Variants in DENND1A observed in about 807,000 individuals in gnomAD.
DENND1A encodes DENN domain containing 1A.
A neutral mutation model predicts 113.7 loss-of-function variants in DENND1A; 51 were observed. That is an observed-to-expected ratio of 0.45 (90% CI 0.36 to 0.57). DENND1A has a LOEUF of 0.57. DENND1A is among the 20% of genes least tolerant of loss of function. DENND1A has a pLI of 0.00. For synonymous variants in DENND1A, 565 were observed against 570.8 expected (o/e 0.99, Z 0.14); for missense variants, 1,258 against 1,395.9 (o/e 0.90, Z 1.57).
intron 1 of DENND1A, among the ~76,000 whole-genome samples, chr9:123,915,488 G>C (rs1854917724): frequency 6.6e-6 from 1 of 152,088 alleles, no homozygotes. Context: ...CCCTTACAAA[G>C]TGTGAAATCA....
intron 1 of DENND1A, among the ~76,000 whole-genome samples, chr9:123,886,343 C>A (rs528827210): frequency 1.3e-5 from 2 of 152,190 alleles, no homozygotes; most frequent in African/African-American, 4.8e-5. Flanking sequence ...GGTAACCATG[C>A]CACAATGGTA....
intron 1 of DENND1A, among the ~76,000 whole-genome samples, chr9:123,916,578 G>GGTCA (rs1414422565): frequency 2.6e-5 from 4 of 151,972 alleles, no homozygotes; most frequent in Non-Finnish European, 5.9e-5. Context: ...TCTCCATGTG[G>GGTCA]GTCAGGCTGG....
intron 2 of DENND1A, among the ~76,000 whole-genome samples, chr9:123,829,943 A>G (rs1325384522): frequency 6.6e-6 from 1 of 152,208 alleles, no homozygotes; most frequent in African/African-American, 2.4e-5. Flanking sequence ...TTGATGTGAA[A>G]ATTCTAAACA....
chr9:123,838,468 A>T (rs1488586588), intron 2 of DENND1A, among the ~76,000 whole-genome samples: 3 of 142,182 alleles, frequency 2.1e-5, no homozygotes, highest in Admixed American at 1.3e-4. Context: ...CTCAGTTATA[A>T]GAAAAATGAT....
intron 7 of DENND1A, among the ~76,000 whole-genome samples, chr9:123,669,838 T>C (rs2139931033): frequency 6.6e-6 from 1 of 152,334 alleles, no homozygotes; most frequent in Non-Finnish European, 1.5e-5. Context: ...TCTATTAAAA[T>C]GGGCAAAAGT....
intron 5 of DENND1A, among the ~76,000 whole-genome samples, chr9:123,685,394 C>A (rs979237279): frequency 1.3e-5 from 2 of 152,130 alleles, no homozygotes; most frequent in African/African-American, 4.8e-5. Context: ...TAATTAATGT[C>A]CCATTGTGAT....
At chr9:123,839,107 G>A (rs1841462185) in intron 2 of DENND1A, among the ~76,000 whole-genome samples, 1 of 152,170 alleles carries the variant, frequency 6.6e-6, no homozygotes, top group Non-Finnish European at 1.5e-5. Context: ...CTTGGGTACA[G>A]ACAAAAAGTG....
chr9:123,850,142 G>A (rs1033728896), intron 2 of DENND1A, among the ~76,000 whole-genome samples: 1 of 152,176 alleles, frequency 6.6e-6, no homozygotes, highest in African/African-American at 2.4e-5. Flanking sequence ...ATTCTAAAAG[G>A]AGTTCGACTG....
intron 21 of DENND1A, among the ~76,000 whole-genome samples, chr9:123,388,997 C>T (rs763264257): frequency 6.6e-6 from 1 of 152,210 alleles, no homozygotes; most frequent in Non-Finnish European, 1.5e-5. Context: ...CCTCCTCTCC[C>T]CTCACCCCCC....
At chr9:123,825,285 C>T (rs1839132415) in intron 2 of DENND1A, among the ~76,000 whole-genome samples, 1 of 150,982 alleles carries the variant, frequency 6.6e-6, no homozygotes, top group African/African-American at 2.4e-5. Context: ...CCCAATGCTC[C>T]TGGGAACACT....
intron 9 of DENND1A, among the ~76,000 whole-genome samples, chr9:123,634,099 C>T (rs2061599858): frequency 6.6e-6 from 1 of 152,090 alleles, no homozygotes; most frequent in Non-Finnish European, 1.5e-5. Context: ...GGGTCAAAAG[C>T]CTATTTAAAC....
At chr9:123,595,944 C>G (rs1285142045) in intron 11 of DENND1A, among the ~76,000 whole-genome samples, 1 of 152,190 alleles carries the variant, frequency 6.6e-6, no homozygotes, top group Non-Finnish European at 1.5e-5. Flanking sequence ...TACTCACACT[C>G]TGACTCTGCT....
chr9:123,494,944 ACC>A (rs2051730255), intron 13 of DENND1A, among the ~76,000 whole-genome samples: 1 of 152,096 alleles, frequency 6.6e-6, no homozygotes, highest in African/African-American at 2.4e-5. Flanking sequence ...GGTGTGTGCC[ACC>A]ACGCCAGGAT....
chr9:123,594,248 C>A (rs2059589429), intron 11 of DENND1A, among the ~76,000 whole-genome samples: 1 of 152,158 alleles, frequency 6.6e-6, no homozygotes, highest in Admixed American at 6.5e-5. Context: ...GTGACATGCT[C>A]TGCATCCATC....
chr9:123,470,652 G>A (rs1165605857), intron 13 of DENND1A, among the ~76,000 whole-genome samples: 1 of 152,152 alleles, frequency 6.6e-6, no homozygotes, highest in Non-Finnish European at 1.5e-5. Context: ...AAAGGACATG[G>A]TGATAAAACA....
chr9:123,411,036 C>T (rs1458545071), intron 20 of DENND1A, among the ~76,000 whole-genome samples: 1 of 152,118 alleles, frequency 6.6e-6, no homozygotes, highest in Non-Finnish European at 1.5e-5. Context: ...CCACCCCATT[C>T]CCAGGTGGTG....
At chr9:123,901,722 CTT>C (rs1425691210) in intron 1 of DENND1A, among the ~76,000 whole-genome samples, 1 of 152,160 alleles carries the variant, frequency 6.6e-6, no homozygotes, top group Non-Finnish European at 1.5e-5. Flanking sequence ...CACCTGGACT[CTT>C]AAAATAAAGG....
At chr9:123,527,539 C>G (rs1192520620) in intron 13 of DENND1A, among the ~76,000 whole-genome samples, 1 of 152,166 alleles carries the variant, frequency 6.6e-6, no homozygotes, top group Admixed American at 6.5e-5. Context: ...CTGGCTACCC[C>G]ACTCATTTAT....
chr9:123,693,972 C>T (rs999849881), intron 5 of DENND1A, among the ~76,000 whole-genome samples: 11 of 151,272 alleles, frequency 7.3e-5, no homozygotes, highest in African/African-American at 2.2e-4. Flanking sequence ...GGACTTCAGG[C>T]GTGTGCCACC....
Sources: allele counts gnomAD v4.1 joint callset (sites outside exome capture counted in the v4.1 genomes callset), GRCh38; gene constraint gnomAD v4.1.1; transcripts MANE v1.5; gene names NCBI Gene and HGNC (gene_info 2026-07-23, HGNC 2026-07-21).